SYT9: variants seen among roughly 807,000 people sequenced by gnomAD.
The protein encoded by SYT9 is synaptotagmin-9.
SYT9 carries 22 observed loss-of-function variants against 48.4 expected under a neutral mutation model. The observed-to-expected ratio is 0.45, with a 90% CI of 0.32 to 0.65. The LOEUF (loss-of-function observed/expected upper bound fraction) is 0.65, where lower values mean the gene tolerates loss of function less well. SYT9 is among the 30% of genes least tolerant of loss of function. The probability of loss-of-function intolerance (pLI) is 0.03; values close to 1 mark genes in which losing one functional copy is unlikely to be tolerated. For synonymous variants in SYT9, 265 were observed against 245.0 expected (o/e 1.08, Z -0.76); for missense variants, 577 against 622.0 (o/e 0.93, Z 0.77).
intron 3 of SYT9, among the ~76,000 whole-genome samples, chr11:7,315,640 G>C (rs1422380224): frequency 6.6e-6 from 1 of 152,192 alleles, no homozygotes; most frequent in African/African-American, 2.4e-5. Context: ...TGAGAGCAAC[G>C]TTGACTGCGC....
rs115874126 is a variant in SYT9 at position 7,400,063 on chromosome 11, T to C, written c.1045-15979T>C. 2.4e-3 allele frequency among the ~76,000 whole-genome samples: 372 copies of C among 152,346 alleles called. 2 individuals are homozygous for C. The highest frequency in any genetic ancestry group is 8.5e-3 in the African/African-American group (354 of 41,578). ...CGTACTTACCCCAAATGTGACTTACTGAGTTCAGCCATGTGGTCAGGGTAT... is the reference window on the plus strand; with the variant it reads ...CGTACTTACCCCAAATGTGACTTACCGAGTTCAGCCATGTGGTCAGGGTAT... On this transcript the variant is annotated intron_variant, in intron 3 of 6. Transcript: ENST00000318881.
Position 7,243,830 on chromosome 11 carries a change from C to T in SYT9, c.49+4914C>T, listed in dbSNP as rs147317478. 5.3e-4 allele frequency among the ~76,000 whole-genome samples: 80 copies of T among 152,302 alleles called. 1 individual carries two copies. The highest frequency in any genetic ancestry group is 1.8e-3 in the African/African-American group (76 of 41,564). On this transcript the variant is annotated intron_variant and NMD_transcript_variant, in intron 1 of 8. Transcript: ENST00000524820. ...ACACTCTCTAACCAATTTTGGATTT[C>T]ATCATCCTCTTCTCTCTTTGGAGCA... is the stretch of plus-strand genomic sequence containing the variant.
chr11:7,272,828 G>A (rs1349389626), intron 1 of SYT9, among the ~76,000 whole-genome samples: 3 of 152,122 alleles, frequency 2.0e-5, no homozygotes, highest in Admixed American at 6.5e-5. Context: ...TTCCAGTAAA[G>A]CATTTGGAGG....
chr11:7,294,996 G>T (rs1484759423), intron 1 of SYT9, among the ~76,000 whole-genome samples: 1 of 152,084 alleles, frequency 6.6e-6, no homozygotes, highest in African/African-American at 2.4e-5. Context: ...GTTCAAATTG[G>T]CAGTTTCTCT....
intron 6 of SYT9, among the ~76,000 whole-genome samples, chr11:7,431,160 T>G (rs1230425422): frequency 6.6e-6 from 1 of 152,200 alleles, no homozygotes; most frequent in Non-Finnish European, 1.5e-5. Flanking sequence ...TGATGAGACC[T>G]CAGATGGAAA....
At position 7,464,157 on chromosome 11, in the gene SYT9, T is replaced by C. The variant is rs146063036; in HGVS notation, c.1468-2635T>C. Among the ~76,000 whole-genome samples the C allele has an allele frequency of 6.1e-4, 93 of 152,228 alleles. 1 individual carries two copies. The East Asian group carries it at 0.014, about 23-fold the overall frequency. On this transcript the variant is annotated intron_variant, in intron 6 of 6. Transcript: ENST00000318881. ...AGGTCATAATAGGGAAAAATGAGGT[T>C]GTGCACAGAACTGTGGGGGCAAACA...
At chr11:7,249,468 T>C (rs1397889195), upstream of SYT9, among the ~76,000 whole-genome samples, 1 of 152,232 alleles carries the variant, frequency 6.6e-6, no homozygotes, top group Non-Finnish European at 1.5e-5. Context: ...GCTATGGCTG[T>C]CTTTGGAAAC....
chr11:7,316,872 G>C (rs1365445523), intron 3 of SYT9, among the ~76,000 whole-genome samples: 1 of 152,204 alleles, frequency 6.6e-6, no homozygotes, highest in East Asian at 1.9e-4. Flanking sequence ...CAGTTGTCCG[G>C]TTTGACCATC....
chr11:7,340,915 G>A (rs910173573), intron 3 of SYT9, among the ~76,000 whole-genome samples: 5 of 152,214 alleles, frequency 3.3e-5, no homozygotes, highest in Admixed American at 3.3e-4. Flanking sequence ...TCACAGGGCT[G>A]CTGCAGTGTG....
intron 1 of SYT9, among the ~76,000 whole-genome samples, chr11:7,239,104 A>G (rs1847714291): frequency 6.6e-6 from 1 of 152,262 alleles, no homozygotes; most frequent in South Asian, 2.1e-4. Flanking sequence ...CATTTTGTTT[A>G]AACTATCTAG....
At chr11:7,442,930 G>A (rs949605891) in intron 6 of SYT9, among the ~76,000 whole-genome samples, 13 of 152,178 alleles carry the variant, frequency 8.5e-5, no homozygotes, top group African/African-American at 2.4e-4. Context: ...AACACATGGC[G>A]CCTGCCTTCC....
intron 1 of SYT9, among the ~76,000 whole-genome samples, chr11:7,278,957 A>T (rs142825913): frequency 1.3e-5 from 2 of 152,252 alleles, no homozygotes; most frequent in African/African-American, 4.8e-5. Context: ...TGTTTTGGAA[A>T]CATCTAGAGA....
At chr11:7,376,666 G>T (rs1168877868) in intron 3 of SYT9, among the ~76,000 whole-genome samples, 3 of 152,038 alleles carry the variant, frequency 2.0e-5, no homozygotes, top group African/African-American at 7.2e-5. Context: ...AGAAAGGCCT[G>T]TTAGTCTCTA....
chr11:7,241,103 C>T (rs1345181953), intron 1 of SYT9, among the ~76,000 whole-genome samples: 1 of 152,106 alleles, frequency 6.6e-6, no homozygotes, highest in Non-Finnish European at 1.5e-5. Context: ...CATCTTGAGA[C>T]ACTGTTTTAT....
chr11:7,424,763 C>T (rs1299916912), intron 6 of SYT9, among the ~76,000 whole-genome samples: 1 of 152,190 alleles, frequency 6.6e-6, no homozygotes, highest in Non-Finnish European at 1.5e-5. Context: ...AGGCGTGCCC[C>T]ATTTTGGATG....
intron 1 of SYT9, among the ~76,000 whole-genome samples, chr11:7,302,135 G>A (rs1431473013): frequency 1.3e-5 from 2 of 152,172 alleles, no homozygotes; most frequent in East Asian, 3.8e-4. Flanking sequence ...CATCTGGGCT[G>A]CAGGTTTCAA....
At chr11:7,304,071 T>G (rs1848991270) in intron 2 of SYT9, among the ~76,000 whole-genome samples, 1 of 152,262 alleles carries the variant, frequency 6.6e-6, no homozygotes, top group South Asian at 2.1e-4. Flanking sequence ...GAATTGGCTT[T>G]ACTTACATGT....
At chr11:7,466,424 T>A (rs1208294773) in intron 6 of SYT9, among the ~76,000 whole-genome samples, 1 of 152,110 alleles carries the variant, frequency 6.6e-6, no homozygotes, top group Non-Finnish European at 1.5e-5. Flanking sequence ...TTGGTGCACA[T>A]TAAAAATGTA....
chr11:7,350,471 C>G (rs979353679), intron 3 of SYT9, among the ~76,000 whole-genome samples: 1 of 152,138 alleles, frequency 6.6e-6, no homozygotes, highest in African/African-American at 2.4e-5. Flanking sequence ...CCAAAGTCAC[C>G]TCCTACCTGA....
Sources: allele counts gnomAD v4.1 joint callset (sites outside exome capture counted in the v4.1 genomes callset), GRCh38; gene constraint gnomAD v4.1.1; transcripts MANE v1.5; gene names NCBI Gene and HGNC (gene_info 2026-07-23, HGNC 2026-07-21).